The following URGCP variants were observed in gnomAD, a reference collection of about 807,000 sequenced individuals.
URGCP encodes the protein upregulator of cell proliferation.
Under a neutral mutation model 24.6 loss-of-function variants are expected in URGCP, and 13 were observed. The observed-to-expected ratio is 0.53, with a 90% CI of 0.34 to 0.84. The LOEUF is 0.84. URGCP is among the 40% of genes least tolerant of loss of function. The pLI, the probability that URGCP is intolerant of heterozygous loss-of-function variation, is 0.01. For synonymous variants in URGCP, 444 were observed against 487.2 expected, an observed-to-expected ratio of 0.91 and a Z score of 1.17; for missense variants, 899 against 1,194.3, an observed-to-expected ratio of 0.75 and a Z score of 3.64.
upstream of URGCP, among the ~76,000 whole-genome samples, chr7:43,908,987 T>C (rs1416581836): frequency 6.6e-6 from 1 of 152,234 alleles, no homozygotes; most frequent in African/African-American, 2.4e-5. Flanking sequence ...AACCAACCCC[T>C]ACTGTTGGAC....
chr7:43,904,708 A>T (rs2095897865), intron 1 of URGCP, among the ~76,000 whole-genome samples: 1 of 152,218 alleles, frequency 6.6e-6, no homozygotes, highest in African/African-American at 2.4e-5. Flanking sequence ...ACAGGGATAC[A>T]TTCTGAGAAA....
intron 1 of URGCP, among the ~76,000 whole-genome samples, chr7:43,913,175 T>C (rs6956183): frequency 0.017 from 2,531 of 152,126 alleles, 63 homozygotes; most frequent in African/African-American, 0.057. Context: ...GAAGGACAAT[T>C]TGCCAGATAT....
chr7:43,916,846 G>A (rs1402929910), intron 1 of URGCP, among the ~76,000 whole-genome samples: 10 of 151,894 alleles, frequency 6.6e-5, no homozygotes, highest in African/African-American at 1.7e-4. Context: ...CATGTACCTC[G>A]GGTATTTGCT....
intron 1 of URGCP, among the ~76,000 whole-genome samples, chr7:43,898,901 C>T (rs915966224): frequency 6.7e-6 from 1 of 148,590 alleles, no homozygotes; most frequent in Non-Finnish European, 1.5e-5. Context: ...CTTGGGAGGC[C>T]AAGGCAGGCA....
intron 1 of URGCP, chr7:43,906,256 CGCCCCGG>C (rs1419280554): frequency 1.3e-5 from 2 of 156,188 alleles, no homozygotes; most frequent in Non-Finnish European, 2.8e-5. Flanking sequence ...GCTCCCGCCG[CGCCCCGG>C]GCACCTCCGG....
chr7:43,913,739 C>T (rs1182174680), intron 1 of URGCP, among the ~76,000 whole-genome samples: 1 of 150,846 alleles, frequency 6.6e-6, no homozygotes, highest in Non-Finnish European at 1.5e-5. Flanking sequence ...CGCTCTGTTG[C>T]CCAGGCTGGA....
intron 1 of URGCP, chr7:43,905,597 C>CCCCTCCG (rs2095900226): frequency 2.6e-5 from 4 of 152,174 alleles, no homozygotes; most frequent in African/African-American, 9.7e-5. Context: ...CGTCCCCTCC[C>CCCCTCCG]CACCCCTACC....
intron 1 of URGCP, among the ~76,000 whole-genome samples, chr7:43,904,582 C>T (rs1412108184): frequency 1.3e-5 from 2 of 152,202 alleles, no homozygotes; most frequent in African/African-American, 4.8e-5. Context: ...AGACTCTGAT[C>T]TACCAGGGAA....
chr7:43,906,909 C>T (rs936749261), upstream of URGCP: 2 of 192,050 alleles, frequency 1.0e-5, no homozygotes, highest in African/African-American at 4.7e-5. Flanking sequence ...AACTTCACAC[C>T]TTTCTGTAAT....
intron 3 of URGCP, among the ~76,000 whole-genome samples, chr7:43,882,474 G>T (rs2095855412): frequency 1.3e-5 from 2 of 152,042 alleles, no homozygotes; most frequent in Non-Finnish European, 2.9e-5. Context: ...ACAAAAATTA[G>T]CTGGGCATGA....
intron 1 of URGCP, among the ~76,000 whole-genome samples, chr7:43,897,236 A>T (rs1357948496): frequency 4.6e-5 from 7 of 152,246 alleles, no homozygotes; most frequent in Non-Finnish European, 8.8e-5. Context: ...ATAAAAATTT[A>T]AAAGGCTATG....
At chr7:43,911,131 T>C (rs1270777411), upstream of URGCP, among the ~76,000 whole-genome samples, 1 of 152,174 alleles carries the variant, frequency 6.6e-6, no homozygotes, top group Non-Finnish European at 1.5e-5. Context: ...CCAGTCACGG[T>C]AGCTCACACC....
chr7:43,890,961 T>A (rs1764199089), intron 1 of URGCP, among the ~76,000 whole-genome samples: 1 of 152,264 alleles, frequency 6.6e-6, no homozygotes, highest in Non-Finnish European at 1.5e-5. Flanking sequence ...CCTTGTCTTC[T>A]CACTTTTCCT....
At chr7:43,904,868 C>T (rs540421056) in intron 1 of URGCP, among the ~76,000 whole-genome samples, 1 of 152,322 alleles carries the variant, frequency 6.6e-6, no homozygotes, top group East Asian at 1.9e-4. Flanking sequence ...AGTATGAATA[C>T]TGTAGGCAAC....
At chr7:43,922,637 G>C (rs1222534784) in intron 1 of URGCP, among the ~76,000 whole-genome samples, 1 of 152,150 alleles carries the variant, frequency 6.6e-6, no homozygotes, top group East Asian at 1.9e-4. Flanking sequence ...GGGGCTCACA[G>C]CAACCTCAAC....
rs765122718 is a variant in URGCP at position 43,877,995 on chromosome 7, T to C, written c.1468A>G (p.Arg490Gly). 27 of 1,614,158 alleles carry C rather than the reference T, an allele frequency of 1.7e-5. No individual in the cohort carries two copies. The highest frequency in any genetic ancestry group is 2.1e-5 in the Non-Finnish European group (25 of 1,180,056). The change falls in exon 6 of 6, where the codon AGA becomes GGA. Residue 490 changes from arginine to glycine, a missense_variant. Coordinates refer to ENST00000453200, the MANE Select transcript of URGCP (RefSeq NM_001077663.3). Reference sequence around the variant, plus strand: ...CCCTGCAGCCTCAGCTCGTCCCTTCTGTAGGCATCCGAGTCTTTGATTTTC... The same window carrying C: ...CCCTGCAGCCTCAGCTCGTCCCTTCCGTAGGCATCCGAGTCTTTGATTTTC... ...TRKIKDSDAY[R>G]RDELRLQGDP...
chr7:43,919,178 T>A (rs1039874946), intron 1 of URGCP: 6 of 886,758 alleles, frequency 6.8e-6, no homozygotes, highest in Non-Finnish European at 1.2e-5. Flanking sequence ...ATGACAGGTA[T>A]CCTAAGAAGC....
At chr7:43,906,526 G>A in intron 1 of URGCP, 36 bp downstream of exon 1, 1 of 1,206,486 alleles carries the variant, frequency 8.3e-7, no homozygotes, top group Admixed American at 3.9e-5. Flanking sequence ...CCTGCCGGCA[G>A]CCGCGGGGGC....
At chr7:43,897,458 A>C (rs1338119015) in intron 1 of URGCP, among the ~76,000 whole-genome samples, 1 of 152,198 alleles carries the variant, frequency 6.6e-6, no homozygotes, top group East Asian at 1.9e-4. Context: ...CCAGGGACCA[A>C]CAGGGAGGCC....
Sources: gnomAD v4.1 joint callset for allele counts (sites outside exome capture counted in the v4.1 genomes callset) on GRCh38, gnomAD v4.1.1 for gene constraint, MANE v1.5 for transcripts, NCBI Gene and HGNC (gene_info 2026-07-23, HGNC 2026-07-21) for gene names.